MGAT4C: variants seen among roughly 807,000 people sequenced by gnomAD.
The protein encoded by MGAT4C is alpha-1,3-mannosyl-glycoprotein 4-beta-N-acetylglucosaminyltransferase C.
In MGAT4C, 19 loss-of-function variants were observed where a neutral mutation model predicts 40.1. That is an observed-to-expected ratio of 0.47 (90% CI 0.33 to 0.70). The LOEUF (loss-of-function observed/expected upper bound fraction) is 0.70, where lower values mean the gene tolerates loss of function less well. Ranked by LOEUF, MGAT4C falls within the 30% of genes least tolerant of loss-of-function variation. MGAT4C has a pLI of 0.02. For synonymous variants in MGAT4C, 181 were observed against 187.1 expected (o/e 0.97, Z 0.27); for missense variants, 491 against 563.2 (o/e 0.87, Z 1.30).
At chr12:86,239,492 A>C (rs1951690221) in intron 1 of MGAT4C, among the ~76,000 whole-genome samples, 1 of 152,108 alleles carries the variant, frequency 6.6e-6, no homozygotes, top group Admixed American at 6.6e-5. Flanking sequence ...AATATCAATT[A>C]AAATTAATAT....
intron 4 of MGAT4C, among the ~76,000 whole-genome samples, chr12:86,283,024 T>C (rs1953259170): frequency 6.6e-6 from 1 of 152,074 alleles, no homozygotes; most frequent in Non-Finnish European, 1.5e-5. Context: ...CAGTGCCTGG[T>C]AAAAGACACC....
intron 2 of MGAT4C, among the ~76,000 whole-genome samples, chr12:86,471,819 T>G: frequency 6.6e-6 from 1 of 152,116 alleles, no homozygotes; most frequent in East Asian, 1.9e-4. Context: ...GTATTATATG[T>G]TACATAGTAT....
chr12:86,154,324 A>G (rs1013649158), intron 1 of MGAT4C, among the ~76,000 whole-genome samples: 8 of 152,128 alleles, frequency 5.3e-5, no homozygotes, highest in Non-Finnish European at 1.2e-4. Context: ...TACCCTGGAA[A>G]TGAGATGTTC....
intron 4 of MGAT4C, among the ~76,000 whole-genome samples, chr12:86,317,782 G>A (rs1461988024): frequency 2.6e-5 from 4 of 151,532 alleles, no homozygotes; most frequent in Non-Finnish European, 5.9e-5. Flanking sequence ...GATATTTCAG[G>A]AAAGTTTCAT....
At chr12:86,588,824 G>T (rs957069919) in intron 2 of MGAT4C, among the ~76,000 whole-genome samples, 1 of 151,694 alleles carries the variant, frequency 6.6e-6, no homozygotes, top group African/African-American at 2.4e-5. Flanking sequence ...ACGAAATGAA[G>T]GCAGAAATAA....
intron 2 of MGAT4C, among the ~76,000 whole-genome samples, chr12:86,700,170 C>CAGAT (rs1325020496): frequency 4.3e-4 from 58 of 135,900 alleles, no homozygotes; most frequent in African/African-American, 9.7e-4. Flanking sequence ...GACAGACAGA[C>CAGAT]AGACAGACAG....
intron 2 of MGAT4C, among the ~76,000 whole-genome samples, chr12:86,681,402 T>G (rs901253159): frequency 8.6e-5 from 13 of 152,010 alleles, no homozygotes; most frequent in Non-Finnish European, 1.8e-4. Flanking sequence ...TCATAGTATA[T>G]TTGTATTGAA....
At chr12:86,554,530 T>C (rs1317998784) in intron 2 of MGAT4C, among the ~76,000 whole-genome samples, 1 of 152,214 alleles carries the variant, frequency 6.6e-6, no homozygotes, top group African/African-American at 2.4e-5. Flanking sequence ...AAGATCCTTC[T>C]TCTGTTAATT....
At chr12:86,188,132 T>C (rs934172590) in intron 1 of MGAT4C, among the ~76,000 whole-genome samples, 5 of 152,072 alleles carry the variant, frequency 3.3e-5, no homozygotes, top group African/African-American at 1.2e-4. Context: ...ACTAGAAAAG[T>C]ATTTTTCAAA....
chr12:86,502,568 T>C (rs1482981429), intron 2 of MGAT4C, among the ~76,000 whole-genome samples: 1 of 151,356 alleles, frequency 6.6e-6, no homozygotes, highest in Non-Finnish European at 1.5e-5. Flanking sequence ...ATATTACTAG[T>C]TGTTGGCACG....
At chr12:86,147,778 G>A (rs896774217) in intron 1 of MGAT4C, among the ~76,000 whole-genome samples, 3 of 152,130 alleles carry the variant, frequency 2.0e-5, no homozygotes, top group Admixed American at 6.6e-5. Context: ...GAATAAATCA[G>A]TAGTATAATT....
At chr12:86,030,240 A>T (rs757475885) in intron 2 of MGAT4C, among the ~76,000 whole-genome samples, 23 of 151,778 alleles carry the variant, frequency 1.5e-4, no homozygotes, top group Non-Finnish European at 3.0e-4. Flanking sequence ...TCTCATGCCA[A>T]CTGGTTAAAA....
intron 2 of MGAT4C, among the ~76,000 whole-genome samples, chr12:86,587,228 G>C (rs1961088782): frequency 6.6e-6 from 1 of 151,812 alleles, no homozygotes; most frequent in Non-Finnish European, 1.5e-5. Context: ...CCCATTGCTT[G>C]TTTTTCTCAG....
At chr12:86,228,860 G>A (rs1265834308) in intron 1 of MGAT4C, among the ~76,000 whole-genome samples, 1 of 151,862 alleles carries the variant, frequency 6.6e-6, no homozygotes, top group African/African-American at 2.4e-5. Flanking sequence ...AATACAGCCT[G>A]TCAACTGACT....
chr12:86,076,439 G>A (rs1045596026), intron 1 of MGAT4C, among the ~76,000 whole-genome samples: 3 of 152,122 alleles, frequency 2.0e-5, no homozygotes, highest in African/African-American at 4.8e-5. Flanking sequence ...TTCCAAAGTC[G>A]CTTCCACAGT....
At chr12:86,707,389 GT>G (rs966468480) in intron 2 of MGAT4C, among the ~76,000 whole-genome samples, 1 of 152,162 alleles carries the variant, frequency 6.6e-6, no homozygotes, top group East Asian at 1.9e-4. Flanking sequence ...AGAGGAACTT[GT>G]TGGGAACTGG....
intron 2 of MGAT4C, among the ~76,000 whole-genome samples, chr12:86,540,327 TAACA>T (rs1959151745): frequency 6.6e-6 from 1 of 152,164 alleles, no homozygotes; most frequent in Non-Finnish European, 1.5e-5. Flanking sequence ...CAAAAACAAC[TAACA>T]ATCATTTCTC....
intron 2 of MGAT4C, among the ~76,000 whole-genome samples, chr12:86,539,477 TA>T (rs752214501): frequency 3.3e-5 from 5 of 152,238 alleles, no homozygotes; most frequent in Non-Finnish European, 7.3e-5. Flanking sequence ...AGTGCCGCAA[TA>T]AACATACGTG....
intron 4 of MGAT4C, among the ~76,000 whole-genome samples, chr12:86,312,420 G>T: frequency 6.6e-6 from 1 of 152,098 alleles, no homozygotes; most frequent in East Asian, 1.9e-4. Flanking sequence ...TAGTTTTCTC[G>T]CACATATAAG....
Sources: gnomAD v4.1 joint callset for allele counts (sites outside exome capture counted in the v4.1 genomes callset) on GRCh38, gnomAD v4.1.1 for gene constraint, MANE v1.5 for transcripts, NCBI Gene and HGNC (gene_info 2026-07-23, HGNC 2026-07-21) for gene names.